STK32B: variants seen among roughly 807,000 people sequenced by gnomAD.
STK32B encodes serine/threonine-protein kinase 32B.
A neutral mutation model predicts 52.6 loss-of-function variants in STK32B; 43 were observed. That is an observed-to-expected ratio of 0.82 (90% CI 0.64 to 1.05). The LOEUF (loss-of-function observed/expected upper bound fraction) is 1.05. STK32B is among the 50% of genes least tolerant of loss of function. The probability of loss-of-function intolerance (pLI) is 0.00; values close to 1 mark genes in which losing one functional copy is unlikely to be tolerated. For synonymous variants in STK32B, 238 were observed against 204.3 expected, an observed-to-expected ratio of 1.17 and a Z score of -1.41; for missense variants, 621 against 534.6, an observed-to-expected ratio of 1.16 and a Z score of -1.59.
chr4:5,265,514 T>C (rs1727003325), intron 3 of STK32B, among the ~76,000 whole-genome samples: 1 of 152,196 alleles, frequency 6.6e-6, no homozygotes, highest in South Asian at 2.1e-4. Context: ...ATTGAAATGA[T>C]GGGGTCCCAG....
chr4:5,185,730 C>G (rs1720690207), intron 3 of STK32B, among the ~76,000 whole-genome samples: 1 of 152,310 alleles, frequency 6.6e-6, no homozygotes, highest in South Asian at 2.1e-4. Context: ...ACCCACGTGC[C>G]CTTCACAGGA....
intron 3 of STK32B, among the ~76,000 whole-genome samples, chr4:5,184,552 G>T (rs1050122396): frequency 6.6e-6 from 1 of 151,930 alleles, no homozygotes; most frequent in African/African-American, 2.4e-5. Context: ...GCTGGGCGTG[G>T]TGGTGCATGC....
chr4:5,243,762 T>G (rs992460266), intron 3 of STK32B, among the ~76,000 whole-genome samples: 4 of 152,292 alleles, frequency 2.6e-5, no homozygotes, highest in African/African-American at 9.6e-5. Context: ...CATCAATACC[T>G]AATTTATTGA....
intron 6 of STK32B, among the ~76,000 whole-genome samples, chr4:5,433,005 G>C (rs1713728233): frequency 6.6e-6 from 1 of 152,144 alleles, no homozygotes; most frequent in African/African-American, 2.4e-5. Context: ...TTGCAGGCCT[G>C]AGTAATTACC....
intron 4 of STK32B, among the ~76,000 whole-genome samples, chr4:5,375,872 T>C (rs999449686): frequency 5.9e-5 from 9 of 152,252 alleles, no homozygotes; most frequent in African/African-American, 1.7e-4. Flanking sequence ...CTCTGTGGGA[T>C]GATGAGGAGG....
rs567681228 is a variant in STK32B at position 5,109,068 on chromosome 4, T to C, written c.53-30837T>C. ...CTTAATTGCCATGGTCTCCCCAGCT[T>C]CCTTGTCCAGTTAATGCAGACTAAA... On this transcript the variant is annotated intron_variant, in intron 1 of 11. Coordinates refer to ENST00000282908, the MANE Select transcript of STK32B (RefSeq NM_018401.3). Among the ~76,000 whole-genome samples the C allele has an allele frequency of 2.0e-5, 3 of 152,270 alleles. No individual in the cohort carries two copies. The South Asian group carries it at 6.2e-4, about 32-fold the overall frequency.
In STK32B at chr4:5,312,018, CCTT is replaced by C. The variant is rs573179870; in HGVS notation, c.261-19197_261-19195del. Among the ~76,000 whole-genome samples the C allele has an allele frequency of 4.8e-3, 722 of 151,250 alleles. 7 individuals are homozygous for C. The highest frequency in any genetic ancestry group is 0.014 in the Middle Eastern group (4 of 288). Reference sequence around the variant, plus strand: ...TTTAAGGAAAATAAAATGCCTCCATCCTTCTTCATTCTTCTCTCCATTATATAT... The same window carrying C: ...TTTAAGGAAAATAAAATGCCTCCATCCTTCATTCTTCTCTCCATTATATAT... On this transcript the variant is annotated intron_variant, in intron 3 of 11. Coordinates refer to ENST00000282908, the MANE Select transcript of STK32B (RefSeq NM_018401.3).
Position 5,190,502 on chromosome 4 carries a change from A to T in STK32B, c.260+22052A>T, listed in dbSNP as rs538636978. On this transcript the variant is annotated intron_variant, in intron 3 of 11. Transcript: ENST00000282908. ...AGGACACCACACTGCATTTGGTGTC[A>T]TGGGTTCATTTATTCAACACATTAA... 3.8e-3 allele frequency among the ~76,000 whole-genome samples: 575 copies of T among 152,262 alleles called. 1 individual carries two copies. The highest frequency in any genetic ancestry group is 5.9e-3 in the Non-Finnish European group (399 of 68,012).
intron 7 of STK32B, 56 bp from the exon 8 acceptor site, chr4:5,456,751 G>T: frequency 2.1e-6 from 3 of 1,425,972 alleles, no homozygotes; most frequent in Non-Finnish European, 2.9e-6. Context: ...TTAAAATGCG[G>T]ACGGTGCCTT....
At chr4:5,298,723 G>A (rs10213575) in intron 3 of STK32B, among the ~76,000 whole-genome samples, 20,862 of 151,930 alleles carry the variant, frequency 0.14, 2,872 homozygotes, top group African/African-American at 0.36. Flanking sequence ...AGCTTGCTGG[G>A]CTTTGTGGGG....
intron 4 of STK32B, among the ~76,000 whole-genome samples, chr4:5,343,066 C>T (rs192180653): frequency 2.4e-4 from 37 of 151,700 alleles, no homozygotes; most frequent in South Asian, 8.4e-4. Context: ...TGTCATTTAA[C>T]GTTAGGTATA....
chr4:5,192,051 G>A (rs1398395447), intron 3 of STK32B, among the ~76,000 whole-genome samples: 3 of 152,170 alleles, frequency 2.0e-5, no homozygotes, highest in African/African-American at 7.2e-5. Context: ...AAAACAGCAC[G>A]GAGTGAACAT....
intron 1 of STK32B, among the ~76,000 whole-genome samples, chr4:5,107,466 G>A (rs1714168704): frequency 6.6e-6 from 1 of 152,170 alleles, no homozygotes. Flanking sequence ...CTAAAAGTGT[G>A]GGGACCACTG....
chr4:5,366,653 G>A (rs1734898551), intron 4 of STK32B, among the ~76,000 whole-genome samples: 1 of 152,196 alleles, frequency 6.6e-6, no homozygotes, highest in South Asian at 2.1e-4. Flanking sequence ...GCTTATTAAT[G>A]GGCTCTTTGC....
At chr4:5,131,883 T>A (rs1372685313) in intron 1 of STK32B, among the ~76,000 whole-genome samples, 1 of 152,242 alleles carries the variant, frequency 6.6e-6, no homozygotes, top group East Asian at 1.9e-4. Flanking sequence ...TATAACTGTG[T>A]CTTAAATGTT....
intron 3 of STK32B, among the ~76,000 whole-genome samples, chr4:5,279,681 C>T (rs1728065220): frequency 6.6e-6 from 1 of 152,206 alleles, no homozygotes; most frequent in Non-Finnish European, 1.5e-5. Flanking sequence ...TAGAGGTTCT[C>T]CATGAGGGCT....
the STK32B span, among the ~76,000 whole-genome samples, chr4:5,040,874 C>A: frequency 6.6e-6 from 1 of 152,142 alleles, no homozygotes; most frequent in African/African-American, 2.4e-5. Flanking sequence ...GGCTACAAAC[C>A]TGTGCAGCAT....
intron 5 of STK32B, among the ~76,000 whole-genome samples, chr4:5,415,104 T>C (rs555894972): frequency 1.5e-4 from 23 of 152,204 alleles, no homozygotes; most frequent in African/African-American, 4.8e-4. Context: ...AATAAGGGAA[T>C]AGGAGGGTGC....
chr4:5,056,274 C>A (rs1019657634), intron 1 of STK32B, among the ~76,000 whole-genome samples: 1 of 152,154 alleles, frequency 6.6e-6, no homozygotes, highest in Non-Finnish European at 1.5e-5. Flanking sequence ...TGAAACGAAT[C>A]CCTGGTGCCA....
Sources: gnomAD v4.1 joint callset for allele counts (sites outside exome capture counted in the v4.1 genomes callset) on GRCh38, gnomAD v4.1.1 for gene constraint, MANE v1.5 for transcripts, NCBI Gene and HGNC (gene_info 2026-07-23, HGNC 2026-07-21) for gene names.